The following ATF6 variants were observed in gnomAD, a reference collection of about 807,000 sequenced individuals.
ATF6 encodes cyclic AMP-dependent transcription factor ATF-6 alpha.
A neutral mutation model predicts 83.6 loss-of-function variants in ATF6; 53 were observed. The ratio of observed to expected loss-of-function variants is 0.63; its 90% confidence interval spans 0.51 to 0.80. ATF6 has a LOEUF of 0.80. Ranked by LOEUF, ATF6 falls within the 30% of genes least tolerant of loss-of-function variation. The pLI is 0.00. For synonymous variants in ATF6, 288 were observed against 285.8 expected, an observed-to-expected ratio of 1.01 and a Z score of -0.08; for missense variants, 744 against 797.9, an observed-to-expected ratio of 0.93 and a Z score of 0.81.
intron 15 of ATF6, among the ~76,000 whole-genome samples, chr1:161,942,272 C>A (rs1156526260): frequency 6.6e-6 from 1 of 152,132 alleles, no homozygotes; most frequent in Non-Finnish European, 1.5e-5. Flanking sequence ...AGAAAATGAG[C>A]AAACTATGAA....
intron 15 of ATF6, among the ~76,000 whole-genome samples, chr1:161,953,935 A>C (rs1472353865): frequency 2.6e-5 from 4 of 152,214 alleles, no homozygotes; most frequent in Non-Finnish European, 5.9e-5. Context: ...ATTGGTTATA[A>C]GGGAAAAGAT....
At chr1:161,794,171 T>C (rs1044360809) in intron 6 of ATF6, among the ~76,000 whole-genome samples, 5 of 152,206 alleles carry the variant, frequency 3.3e-5, no homozygotes, top group Non-Finnish European at 5.9e-5. Context: ...CCCAAAGTGC[T>C]GGGATTACAG....
At chr1:161,780,849 G>A (rs776118792) in intron 2 of ATF6, among the ~76,000 whole-genome samples, 16 of 151,960 alleles carry the variant, frequency 1.1e-4, no homozygotes, top group Admixed American at 2.0e-4. Flanking sequence ...AGCTGGGACC[G>A]TAGGTGCACG....
chr1:161,841,829 CA>C (rs1686365006), intron 9 of ATF6, among the ~76,000 whole-genome samples: 1 of 152,136 alleles, frequency 6.6e-6, no homozygotes, highest in African/African-American at 2.4e-5. Context: ...TGAGCCAAAC[CA>C]ATCAACATTA....
chr1:161,906,475 C>A (rs181745779), intron 14 of ATF6, among the ~76,000 whole-genome samples: 32 of 152,278 alleles, frequency 2.1e-4, no homozygotes, highest in African/African-American at 7.2e-4. Context: ...ATGGTCCAAC[C>A]TAATACTTTT....
At chr1:161,843,661 T>G (rs1686410427) in intron 9 of ATF6, among the ~76,000 whole-genome samples, 1 of 152,198 alleles carries the variant, frequency 6.6e-6, no homozygotes, top group Admixed American at 6.5e-5. Flanking sequence ...TATACTGTAT[T>G]TGCATCTTAG....
chr1:161,826,048 C>G (rs1359449302), intron 9 of ATF6, among the ~76,000 whole-genome samples: 1 of 152,124 alleles, frequency 6.6e-6, no homozygotes, highest in Admixed American at 6.5e-5. Flanking sequence ...GAATAAAAAC[C>G]AAATATATTA....
At chr1:161,919,931 T>C (rs564659671) in intron 15 of ATF6, among the ~76,000 whole-genome samples, 9 of 152,312 alleles carry the variant, frequency 5.9e-5, no homozygotes, top group African/African-American at 2.2e-4. Context: ...ACCAACCAAA[T>C]AAATGTGTTG....
At chr1:161,922,334 T>C (rs1390069283) in intron 15 of ATF6, among the ~76,000 whole-genome samples, 1 of 152,210 alleles carries the variant, frequency 6.6e-6, no homozygotes, top group Non-Finnish European at 1.5e-5. Context: ...ACTGTTCTAC[T>C]AACAGTTCCT....
chr1:161,842,655 A>C (rs1034069090), intron 9 of ATF6, among the ~76,000 whole-genome samples: 1 of 152,202 alleles, frequency 6.6e-6, no homozygotes, highest in Non-Finnish European at 1.5e-5. Context: ...AGTGGGAGCT[A>C]AGCTTGGGAT....
rs779499628 is a variant in ATF6, at chr1:161,883,790, C to G, written c.1719+20478C>G. Reference sequence around the variant, plus strand: ...TGCATAAGGTCGCTATGCATTATTTCTCATTTTCAGATGAAGCCTGTCACC... The same window carrying G: ...TGCATAAGGTCGCTATGCATTATTTGTCATTTTCAGATGAAGCCTGTCACC... On this transcript the variant is annotated intron_variant, in intron 14 of 15. Coordinates refer to ENST00000367942, the MANE Select transcript of ATF6 (RefSeq NM_007348.4). 3.3e-5 allele frequency among the ~76,000 whole-genome samples: 5 copies of G among 151,900 alleles called. 1 individual carries two copies. The South Asian group carries it at 1.0e-3, about 32-fold the overall frequency.
At chr1:161,767,901 G>A (rs985080120) in intron 1 of ATF6, among the ~76,000 whole-genome samples, 1 of 152,016 alleles carries the variant, frequency 6.6e-6, no homozygotes, top group African/African-American at 2.4e-5. Flanking sequence ...TGTTGCCCAG[G>A]CTAGAGTGTA....
rs560131496 is a variant in ATF6 at position 161,931,554 on chromosome 1, C to T, written c.1804+19174C>T. On this transcript the variant is annotated intron_variant, in intron 15 of 15. Coordinates refer to ENST00000367942, the MANE Select transcript of ATF6 (RefSeq NM_007348.4). ...ATCTATAACTCAGTGGTTTTTAGTA[C>T]AATTTTAGAACATATCACCCCAAAA... Among the ~76,000 whole-genome samples the T allele has an allele frequency of 2.9e-5, 4 of 139,764 alleles. No individual in the cohort carries two copies. The South Asian group carries it at 9.4e-4, about 33-fold the overall frequency. The allele number at this position is 139,764 out of a possible 152,430, so 91.7% of individuals were successfully genotyped here.
intron 14 of ATF6, among the ~76,000 whole-genome samples, chr1:161,889,441 ACT>A (rs755538538): frequency 4.6e-5 from 7 of 152,176 alleles, no homozygotes; most frequent in Non-Finnish European, 8.8e-5. Flanking sequence ...CTGTAAGCAC[ACT>A]CTCAGAGTCA....
rs146640460 is a variant in ATF6, at chr1:161,819,672, C to T, written c.949C>T (p.Arg317Ter). Residue 317 changes from arginine to a stop codon, truncating the protein, a stop_gained, in exon 8 of 16, where the codon CGA (arginine) becomes TGA (stop). Coordinates refer to ENST00000367942, the MANE Select transcript of ATF6 (RefSeq NM_007348.4). LOFTEE classifies it high-confidence loss of function. ...GAGACAGCAACGTATGATAAAAAAT[C>T]GAGAATCCGCTTGTCAGTCTCGCAA... ...LRRQQRMIKN[R>*]ESACQSRKKK... 8.7e-6 allele frequency: 14 copies of T among 1,608,972 alleles called. No individual in the cohort carries two copies. The highest frequency in any genetic ancestry group is 1.1e-5 in the South Asian group (1 of 90,312).
chr1:161,837,852 G>A (rs542433433), intron 9 of ATF6, among the ~76,000 whole-genome samples: 1 of 152,156 alleles, frequency 6.6e-6, no homozygotes, highest in Non-Finnish European at 1.5e-5. Context: ...ACTAGTCCAA[G>A]TATTCTATTT....
At chr1:161,950,227 CT>C (rs764107804) in intron 15 of ATF6, among the ~76,000 whole-genome samples, 1 of 152,156 alleles carries the variant, frequency 6.6e-6, no homozygotes, top group Non-Finnish European at 1.5e-5. Context: ...TTTAAAGTTC[CT>C]TCATGCTCTA....
At chr1:161,854,821 G>A (rs937872027) in intron 12 of ATF6, among the ~76,000 whole-genome samples, 5 of 151,614 alleles carry the variant, frequency 3.3e-5, no homozygotes, top group Admixed American at 1.3e-4. Flanking sequence ...GGAGTGAGCC[G>A]AGATCACGCA....
chr1:161,860,333 A>G, intron 13 of ATF6, 56 bp downstream of exon 13: 3 of 1,352,506 alleles, frequency 2.2e-6, no homozygotes, highest in South Asian at 1.7e-5. Flanking sequence ...GTATTTTAAG[A>G]AAGTTGAAAT....
Sources: gnomAD v4.1 joint callset for allele counts (sites outside exome capture counted in the v4.1 genomes callset) on GRCh38, gnomAD v4.1.1 for gene constraint, MANE v1.5 for transcripts, NCBI Gene and HGNC (gene_info 2026-07-23, HGNC 2026-07-21) for gene names.